Variants in PIK3CB observed in about 807,000 individuals in gnomAD.
The protein encoded by PIK3CB is phosphatidylinositol 4,5-bisphosphate 3-kinase catalytic subunit beta isoform.
Under a neutral mutation model 136.8 loss-of-function variants are expected in PIK3CB, and 39 were observed. That is an observed-to-expected ratio of 0.29 (90% CI 0.22 to 0.37). The LOEUF is 0.37. Among genes scored for constraint, PIK3CB ranks in the 10% least tolerant of loss-of-function variants. The probability of loss-of-function intolerance (pLI) is 1.00; values close to 1 mark genes in which losing one functional copy is unlikely to be tolerated. For missense variants in PIK3CB, 868 were observed against 1,275.4 expected, an observed-to-expected ratio of 0.68 and a Z score of 4.87; for synonymous variants, 428 against 436.6, an observed-to-expected ratio of 0.98 and a Z score of 0.25.
intron 5 of PIK3CB, among the ~76,000 whole-genome samples, chr3:138,738,767 A>G (rs898538642): frequency 3.3e-5 from 5 of 152,218 alleles, no homozygotes; most frequent in African/African-American, 9.6e-5. Context: ...TACTAAAGAT[A>G]TAAGAAGCTA....
chr3:138,719,735 GT>G (rs762808312), intron 8 of PIK3CB, among the ~76,000 whole-genome samples: 1 of 152,076 alleles, frequency 6.6e-6, no homozygotes, highest in Non-Finnish European at 1.5e-5. Context: ...TATCAGCTCT[GT>G]ATCATCTCCA....
chr3:138,781,818 G>A (rs1049736438), intron 2 of PIK3CB, among the ~76,000 whole-genome samples: 19 of 152,140 alleles, frequency 1.2e-4, no homozygotes, highest in African/African-American at 3.4e-4. Context: ...TACTTGGGAG[G>A]CTGAAGTAAA....
chr3:138,719,928 A>G (rs183928738), intron 8 of PIK3CB, among the ~76,000 whole-genome samples: 5 of 152,282 alleles, frequency 3.3e-5, no homozygotes, highest in African/African-American at 1.2e-4. Flanking sequence ...AGGGGAAGAA[A>G]TGTGTATGTA....
Position 138,742,566 on chromosome 3 carries a change from T to C in PIK3CB, c.613A>G (p.Asn205Asp). The stretch of plus-strand genomic sequence containing the variant: ...AAAAAATATAATCCTACCTGGCAGT[T>C]TTCAAAATGAACAGCTACGATGAGC... ...GKLIVAVHFE[N>D]CQDVFSFQVS... Residue 205 changes from asparagine (N) to aspartate (D), a missense_variant, in exon 5 of 24, where the codon AAC becomes GAC. By Grantham distance (23) the Asn-to-Asp change is conservative. Around this residue, in one of 4 missense-constraint regions of PIK3CB, gnomAD observed 612 missense variants for 801.1 expected, o/e 0.76. Coordinates refer to ENST00000674063, the MANE Select transcript of PIK3CB (RefSeq NM_006219.3). 1 of 1,507,118 alleles carries C rather than the reference T, an allele frequency of 6.6e-7. No individual in the cohort carries two copies. The highest frequency in any genetic ancestry group is 9.1e-7 in the Non-Finnish European group (1 of 1,097,092). The allele number at this position is 1,507,118 out of a possible 1,614,324, so 93.4% of individuals were successfully genotyped here. A position where few individuals can be genotyped will look rare whatever the true frequency, so the allele number is the denominator to read the frequency against.
chr3:138,730,662 C>T (rs1335072345), intron 8 of PIK3CB, among the ~76,000 whole-genome samples: 4 of 152,092 alleles, frequency 2.6e-5, no homozygotes, highest in Non-Finnish European at 5.9e-5. Flanking sequence ...GTGGCTTGTG[C>T]CTGTAATCCC....
At chr3:138,814,455 G>T (rs1325683305) in intron 1 of PIK3CB, among the ~76,000 whole-genome samples, 1 of 150,266 alleles carries the variant, frequency 6.7e-6, no homozygotes, top group Non-Finnish European at 1.5e-5. Context: ...TCCAGCCTAG[G>T]TGACAGAGTG....
chr3:138,824,630 T>C (rs1316670948), intron 1 of PIK3CB, among the ~76,000 whole-genome samples: 2 of 150,736 alleles, frequency 1.3e-5, no homozygotes, highest in Non-Finnish European at 3.0e-5. Context: ...GAGGCGGAGG[T>C]TGCAGTGAGC....
At chr3:138,706,477 C>CT (rs1212245358) in intron 11 of PIK3CB, among the ~76,000 whole-genome samples, 2 of 152,190 alleles carry the variant, frequency 1.3e-5, no homozygotes, top group Non-Finnish European at 2.9e-5. Flanking sequence ...ATCAATTGTT[C>CT]TTTGAGTATC....
chr3:138,801,733 C>T (rs1038251030), intron 1 of PIK3CB, among the ~76,000 whole-genome samples: 2 of 151,398 alleles, frequency 1.3e-5, no homozygotes, highest in African/African-American at 2.4e-5. Flanking sequence ...CATGGTGGCG[C>T]GTGCTTGTAG....
chr3:138,777,623 T>A (rs1172845894), intron 2 of PIK3CB, among the ~76,000 whole-genome samples: 2 of 152,154 alleles, frequency 1.3e-5, no homozygotes, highest in African/African-American at 4.8e-5. Context: ...CAGAGCATAA[T>A]AAAATGAATG....
Position 138,688,897 on chromosome 3 carries a change from T to C in PIK3CB, c.2114A>G (p.His705Arg). ...TACCTGCTTAGAAAGCACTTTCATG[T>C]GCCCCACACTTCCCCGGCAGTATGC... ...LEAYCRGSVG[H>R]MKVLSKQVEA... Residue 705 changes from histidine to arginine, a missense_variant, in exon 16 of 24, where the codon CAC (histidine) becomes CGC (arginine). Physicochemically the swap from His to Arg is conservative, Grantham distance 29. Coordinates refer to ENST00000674063, the MANE Select transcript of PIK3CB (RefSeq NM_006219.3). The C allele has an allele frequency of 3.7e-6, 6 of 1,612,882 alleles. No individual in the cohort carries two copies. The highest frequency in any genetic ancestry group is 5.1e-6 in the Non-Finnish European group (6 of 1,178,890).
chr3:138,801,865 A>AC (rs1052643795), intron 1 of PIK3CB, among the ~76,000 whole-genome samples: 3 of 148,286 alleles, frequency 2.0e-5, no homozygotes, highest in Non-Finnish European at 4.5e-5. Context: ...CCATCTCAAA[A>AC]AAAAAAAAAA....
chr3:138,718,886 CT>C (rs1230395428), intron 8 of PIK3CB, among the ~76,000 whole-genome samples: 1 of 152,138 alleles, frequency 6.6e-6, no homozygotes, highest in Non-Finnish European at 1.5e-5. Context: ...GCTCTTTATT[CT>C]GTTCCATTGG....
chr3:138,734,913 T>TTTA, intron 6 of PIK3CB, 109 bp from the exon 7 acceptor site: 1 of 642,738 alleles, frequency 1.6e-6, no homozygotes, highest in Non-Finnish European at 2.4e-6. Context: ...AAAGTATGTC[T>TTTA]TAAACCACAG....
intron 12 of PIK3CB, among the ~76,000 whole-genome samples, chr3:138,699,314 CTG>C (rs1381332291): frequency 6.6e-6 from 1 of 150,676 alleles, no homozygotes; most frequent in Non-Finnish European, 1.5e-5. Context: ...AAAATGTAAA[CTG>C]TGCAAACACT....
At chr3:138,812,620 C>T (rs529155752) in intron 1 of PIK3CB, among the ~76,000 whole-genome samples, 4 of 143,840 alleles carry the variant, frequency 2.8e-5, no homozygotes, top group South Asian at 4.5e-4. Flanking sequence ...CCCTGACTCC[C>T]GGGTTCAAGC....
chr3:138,781,050 G>A (rs1258292693), intron 2 of PIK3CB, among the ~76,000 whole-genome samples: 1 of 152,096 alleles, frequency 6.6e-6, no homozygotes, highest in Non-Finnish European at 1.5e-5. Flanking sequence ...AGCACTCTGG[G>A]AGGCCAAGGC....
chr3:138,782,060 A>G (rs1243120414), intron 2 of PIK3CB, among the ~76,000 whole-genome samples: 4 of 152,252 alleles, frequency 2.6e-5, no homozygotes, highest in Non-Finnish European at 5.9e-5. Flanking sequence ...CAACTTTGTT[A>G]GATGTTTTAA....
chr3:138,685,995 GA>G (rs2043884131), intron 16 of PIK3CB, among the ~76,000 whole-genome samples: 1 of 150,142 alleles, frequency 6.7e-6, no homozygotes, highest in Non-Finnish European at 1.5e-5. Flanking sequence ...AAATTAGCCA[GA>G]CACGGTGGTG....
Sources: gnomAD v4.1 joint callset for allele counts (sites outside exome capture counted in the v4.1 genomes callset) on GRCh38, gnomAD v4.1.1 for gene constraint, gnomAD v4.1.1 regional missense constraint, MANE v1.5 for transcripts, NCBI Gene and HGNC (gene_info 2026-07-23, HGNC 2026-07-21) for gene names.